The following CDK5RAP2 variants were observed in gnomAD, a reference collection of about 807,000 sequenced individuals.
CDK5RAP2 encodes the protein CDK5 regulatory subunit-associated protein 2.
A neutral mutation model predicts 232.9 loss-of-function variants in CDK5RAP2; 147 were observed. That is an observed-to-expected ratio of 0.63 (90% CI 0.55 to 0.72). CDK5RAP2 has a LOEUF of 0.72. Among genes scored for constraint, CDK5RAP2 ranks in the 30% least tolerant of loss-of-function variants. The pLI is 0.00. For missense variants in CDK5RAP2, 2,195 were observed against 2,231.5 expected (o/e 0.98, Z 0.33); for synonymous variants, 833 against 833.7 (o/e 1.00, Z 0.01).
intron 12 of CDK5RAP2, among the ~76,000 whole-genome samples, chr9:120,511,301 C>T (rs1040926436): frequency 2.0e-5 from 3 of 152,190 alleles, no homozygotes; most frequent in African/African-American, 7.2e-5. Flanking sequence ...TGATCTGGAT[C>T]CTGTACATAG....
At chr9:120,539,911 G>T (rs759175706) in intron 5 of CDK5RAP2, among the ~76,000 whole-genome samples, 4 of 152,186 alleles carry the variant, frequency 2.6e-5, no homozygotes, top group Non-Finnish European at 4.4e-5. Context: ...AAACCAACGT[G>T]CAAAGGAGCA....
rs1460759113 is a variant in CDK5RAP2, at chr9:120,575,180, T to C, written c.60-3139A>G. On this transcript the variant is annotated intron_variant, in intron 1 of 37. Transcript: ENST00000349780. ...GATTCTCGTGCCTCAGCCTCCCAAG[T>C]AGCTAGGATTACAGGCATGCACCAC... Among the ~76,000 whole-genome samples the C allele has an allele frequency of 2.6e-5, 4 of 152,018 alleles. No individual in the cohort carries two copies. In the East Asian group the frequency reaches 7.7e-4, roughly 29 times the overall value.
In CDK5RAP2 at chr9:120,456,304, T is replaced by C. The variant is rs906122320; in HGVS notation, c.2375+2146A>G. On this transcript the variant is annotated intron_variant, in intron 20 of 37. Transcript: ENST00000349780. The stretch of plus-strand genomic sequence containing the variant: ...CCTTCTCACTTCGGTTTCTACTACC[T>C]GCTCTATTTCTAGAAACCTGGTGAA... 2.0e-5 allele frequency among the ~76,000 whole-genome samples: 3 copies of C among 152,230 alleles called. No homozygotes were observed. In the South Asian group the frequency reaches 6.2e-4, roughly 32 times the overall value.
chr9:120,501,443 T>C (rs1188704591), intron 12 of CDK5RAP2, among the ~76,000 whole-genome samples: 2 of 152,212 alleles, frequency 1.3e-5, no homozygotes, highest in South Asian at 2.1e-4. Flanking sequence ...GAATGCAAGT[T>C]CCATGAGGGC....
intron 12 of CDK5RAP2, among the ~76,000 whole-genome samples, chr9:120,494,652 T>TGTA (rs2039071028): frequency 6.6e-6 from 1 of 152,126 alleles, no homozygotes; most frequent in South Asian, 2.1e-4. Context: ...CAGCTCTTCC[T>TGTA]CATGGTAGAC....
At chr9:120,393,488 T>C (rs1004635886) in intron 36 of CDK5RAP2, among the ~76,000 whole-genome samples, 1 of 152,206 alleles carries the variant, frequency 6.6e-6, no homozygotes, top group Non-Finnish European at 1.5e-5. Context: ...CCAGAAATGT[T>C]GGACTTTGAC....
Position 120,530,025 on chromosome 9 carries a change from G to C in CDK5RAP2, c.778C>G (p.Arg260Gly). The C allele has an allele frequency of 1.2e-6, 2 of 1,613,930 alleles. No homozygotes were observed. The highest frequency in any genetic ancestry group is 1.7e-6 in the Non-Finnish European group (2 of 1,179,898). Residue 260 changes from arginine to glycine, a missense_variant, in exon 8 of 38, where the codon CGA becomes GGA. By Grantham distance (125) the Arg-to-Gly change is moderately radical (BLOSUM62 -2). Coordinates refer to ENST00000349780, the MANE Select transcript of CDK5RAP2 (RefSeq NM_018249.6). ...PDENVSSGEL[R>G]GLCAAPREEK... ...TCCCTTGGAGCAGCACAAAGTCCTCGGAGCTCTCCAGATGACACATTCTCA... is the reference window on the plus strand; with the variant it reads ...TCCCTTGGAGCAGCACAAAGTCCTCCGAGCTCTCCAGATGACACATTCTCA...
intron 34 of CDK5RAP2, among the ~76,000 whole-genome samples, chr9:120,402,123 C>T (rs2033078462): frequency 6.6e-6 from 1 of 152,090 alleles, no homozygotes; most frequent in Non-Finnish European, 1.5e-5. Flanking sequence ...GAGACCCTGT[C>T]TCTAAAAAAA....
chr9:120,561,336 G>A (rs779856791), intron 3 of CDK5RAP2, among the ~76,000 whole-genome samples: 30 of 151,882 alleles, frequency 2.0e-4, no homozygotes, highest in Non-Finnish European at 3.4e-4. Context: ...TCTCTCTGTC[G>A]CTCAGGCTAG....
At chr9:120,492,740 T>C (rs1193661094) in intron 12 of CDK5RAP2, among the ~76,000 whole-genome samples, 1 of 152,206 alleles carries the variant, frequency 6.6e-6, no homozygotes, top group Non-Finnish European at 1.5e-5. Context: ...ATGTTATAAG[T>C]AATGATATTG....
intron 3 of CDK5RAP2, among the ~76,000 whole-genome samples, chr9:120,565,302 T>C (rs1236892860): frequency 2.0e-5 from 3 of 152,150 alleles, no homozygotes; most frequent in African/African-American, 7.2e-5. Context: ...TCCATGCCCT[T>C]AGCTCCACAT....
At chr9:120,430,900 G>A (rs1168644731) in intron 25 of CDK5RAP2, among the ~76,000 whole-genome samples, 3 of 152,166 alleles carry the variant, frequency 2.0e-5, no homozygotes, top group East Asian at 3.8e-4. Context: ...AAGAAAATGT[G>A]GCACATATAC....
intron 14 of CDK5RAP2, among the ~76,000 whole-genome samples, chr9:120,481,900 C>A (rs2038338580): frequency 6.6e-6 from 1 of 152,304 alleles, no homozygotes; most frequent in Non-Finnish European, 1.5e-5. Flanking sequence ...TTAATCCAGA[C>A]AAAGTTCTCA....
intron 27 of CDK5RAP2, among the ~76,000 whole-genome samples, chr9:120,418,990 T>C (rs557201690): frequency 8.5e-4 from 129 of 152,332 alleles, no homozygotes; most frequent in Middle Eastern, 3.4e-3. Context: ...AATTCCTATG[T>C]TGAAGCTCTA....
chr9:120,390,017 A>C, intron 36 of CDK5RAP2: 1 of 558,410 alleles, frequency 1.8e-6, no homozygotes, highest in Admixed American at 2.5e-5. Flanking sequence ...CCGCTAAGCC[A>C]CCACCTGACA....
At position 120,419,831 on chromosome 9, in the gene CDK5RAP2, A is replaced by G. The variant is rs2034457747; in HGVS notation, c.4134T>C (p.Asn1378=). 1.2e-6 allele frequency: 2 copies of G among 1,613,902 alleles called. No individual in the cohort carries two copies. The highest frequency in any genetic ancestry group is 1.3e-5 in the African/African-American group (1 of 74,926). The change falls in exon 27 of 38, where the codon AAT becomes AAC. Residue 1378 remains asparagine, a synonymous_variant. Transcript: ENST00000349780. ...CCATAACTGAAGTCTTCTCTGTCTC[A>G]TTATCTTGCTTCTGGTCTCGTGAGA... ...SFFSRDQKQD[N]ETEKTSVMVN...
At chr9:120,559,792 C>T (rs189829884) in intron 3 of CDK5RAP2, among the ~76,000 whole-genome samples, 1 of 152,264 alleles carries the variant, frequency 6.6e-6, no homozygotes, top group East Asian at 1.9e-4. Context: ...AACATGACTA[C>T]AGGGTGGTGC....
At chr9:120,464,159 A>C (rs937507067) in intron 18 of CDK5RAP2, among the ~76,000 whole-genome samples, 1 of 151,076 alleles carries the variant, frequency 6.6e-6, no homozygotes, top group Non-Finnish European at 1.5e-5. Context: ...CCTCCTTGAA[A>C]CCCCACGCTG....
chr9:120,503,856 A>T (rs1324013757), intron 12 of CDK5RAP2, among the ~76,000 whole-genome samples: 2 of 151,764 alleles, frequency 1.3e-5, no homozygotes, highest in African/African-American at 4.8e-5. Flanking sequence ...CACCACCACC[A>T]CCACCCCACA....
Sources: gnomAD v4.1 joint callset for allele counts (sites outside exome capture counted in the v4.1 genomes callset) on GRCh38, gnomAD v4.1.1 for gene constraint, MANE v1.5 for transcripts, NCBI Gene and HGNC (gene_info 2026-07-23, HGNC 2026-07-21) for gene names.